The following ATAD1 variants were observed in gnomAD, a reference collection of about 807,000 sequenced individuals.
ATAD1 encodes the protein outer mitochondrial transmembrane helix translocase.
In ATAD1, 18 loss-of-function variants were observed where a neutral mutation model predicts 42.7. The ratio of observed to expected loss-of-function variants is 0.42; its 90% CI spans 0.29 to 0.63. The LOEUF is 0.63. ATAD1 is among the 20% of genes least tolerant of loss of function. The pLI is 0.19. For missense variants in ATAD1, 294 were observed against 440.4 expected (o/e 0.67, Z 2.98); for synonymous variants, 132 against 143.1 (o/e 0.92, Z 0.55).
chr10:87,810,287 G>A (rs546306747), intron 2 of ATAD1, among the ~76,000 whole-genome samples: 70 of 151,028 alleles, frequency 4.6e-4, no homozygotes, highest in African/African-American at 1.6e-3. Context: ...CTTGAGATTT[G>A]CTTTATTATC....
At chr10:87,780,495 T>C (rs1855515245) in intron 5 of ATAD1, among the ~76,000 whole-genome samples, 1 of 152,182 alleles carries the variant, frequency 6.6e-6, no homozygotes, top group Non-Finnish European at 1.5e-5. Context: ...GTATTAATAC[T>C]AGGAGAAACT....
intron 3 of ATAD1, among the ~76,000 whole-genome samples, chr10:87,792,247 T>G (rs1384971306): frequency 6.6e-6 from 1 of 152,240 alleles, no homozygotes; most frequent in Non-Finnish European, 1.5e-5. Flanking sequence ...GAAACATCCA[T>G]TTTCCTTCTG....
chr10:87,828,645 G>A (rs1372108569), intron 1 of ATAD1, among the ~76,000 whole-genome samples: 4 of 152,210 alleles, frequency 2.6e-5, no homozygotes, highest in African/African-American at 9.6e-5. Flanking sequence ...GATTTTCAAT[G>A]TAGACAAAAC....
chr10:87,776,478 C>CT (rs745898885), intron 5 of ATAD1, 51 bp from the exon 6 acceptor site: 168 of 1,464,668 alleles, frequency 1.1e-4, no homozygotes, highest in East Asian at 6.2e-4. Flanking sequence ...ATTATTTACC[C>CT]TTTTTTTTGA....
chr10:87,814,675 A>C, intron 1 of ATAD1, 63 bp from the exon 2 acceptor site: 2 of 1,253,346 alleles, frequency 1.6e-6, no homozygotes, highest in Non-Finnish European at 2.1e-6. Flanking sequence ...TGTAAGACTA[A>C]CAAAGTAGCT....
intron 5 of ATAD1, among the ~76,000 whole-genome samples, chr10:87,782,354 T>C (rs1855606619): frequency 6.6e-6 from 1 of 152,124 alleles, no homozygotes; most frequent in Admixed American, 6.6e-5. Context: ...AAGACTTCAG[T>C]AAAAACAAAG....
At chr10:87,808,950 T>C (rs1857053557) in intron 2 of ATAD1, among the ~76,000 whole-genome samples, 1 of 152,248 alleles carries the variant, frequency 6.6e-6, no homozygotes, top group South Asian at 2.1e-4. Context: ...TAGAAGAATT[T>C]GCATAAATTG....
upstream of ATAD1, among the ~76,000 whole-genome samples, chr10:87,822,317 A>G (rs1857646566): frequency 6.6e-6 from 1 of 152,196 alleles, no homozygotes; most frequent in Non-Finnish European, 1.5e-5. Flanking sequence ...ATGAACCATT[A>G]TTTTGACAAG....
intron 2 of ATAD1, among the ~76,000 whole-genome samples, chr10:87,812,482 C>T (rs1392533672): frequency 1.3e-5 from 2 of 152,100 alleles, no homozygotes; most frequent in Non-Finnish European, 2.9e-5. Flanking sequence ...AGGCTGATCT[C>T]CAACTCCTGA....
chr10:87,833,715 T>C (rs1039724182), intron 1 of ATAD1, among the ~76,000 whole-genome samples: 2 of 145,830 alleles, frequency 1.4e-5, no homozygotes, highest in Admixed American at 7.5e-5. Flanking sequence ...TCTCTCTCTC[T>C]TTCTTTCTTT....
intron 9 of ATAD1, among the ~76,000 whole-genome samples, chr10:87,755,153 T>C (rs1854164884): frequency 6.6e-6 from 1 of 152,262 alleles, no homozygotes. Context: ...ATATGGTTTA[T>C]TGAAATGGGA....
intron 1 of ATAD1, among the ~76,000 whole-genome samples, chr10:87,838,486 A>T (rs1857968485): frequency 1.3e-5 from 2 of 148,844 alleles, no homozygotes; most frequent in South Asian, 4.2e-4. Context: ...AAAAAAAAAA[A>T]AAGACAAGGT....
At chr10:87,820,419 C>T (rs1857610726), upstream of ATAD1, among the ~76,000 whole-genome samples, 1 of 152,150 alleles carries the variant, frequency 6.6e-6, no homozygotes, top group Admixed American at 6.5e-5. Context: ...GACCAGCCTA[C>T]CCAGTTTCAG....
rs2295754 is a variant in ATAD1 at position 87,756,762 on chromosome 10, G to A, written c.965+27C>T. 11,079 of 1,531,086 alleles carry A rather than the reference G, an allele frequency of 7.2e-3. 375 individuals carry two copies. Among genetic ancestry groups the A allele is most frequent in the South Asian group, 0.066 (4,996 of 75,642 alleles). The allele number at this position is 1,531,086 out of a possible 1,614,324, so 94.8% of individuals were successfully genotyped here. A position where few individuals can be genotyped will look rare whatever the true frequency, so the allele number is the denominator to read the frequency against. ...AAAGCTCTAAAAGATTTTGACAAGT[G>A]TTAAAAATCAAGTCAAAATAACATA... On this transcript the variant is annotated intron_variant, in intron 9 of 9. Coordinates refer to ENST00000680024, the MANE Select transcript of ATAD1 (RefSeq NM_001321967.2).
intron 4 of ATAD1, among the ~76,000 whole-genome samples, chr10:87,787,125 A>C (rs936792525): frequency 5.3e-5 from 8 of 152,208 alleles, no homozygotes; most frequent in Non-Finnish European, 1.5e-5. Context: ...AATGAATGTG[A>C]GGCATTTAGC....
At chr10:87,818,360 C>G, upstream of ATAD1, 1 of 649,386 alleles carries the variant, frequency 1.5e-6, no homozygotes, top group Non-Finnish European at 1.9e-6. Flanking sequence ...AATTCGCGCA[C>G]CTGATGTCTG....
chr10:87,755,738 G>T (rs145059699), intron 9 of ATAD1, among the ~76,000 whole-genome samples: 1 of 151,876 alleles, frequency 6.6e-6, no homozygotes, highest in Non-Finnish European at 1.5e-5. Context: ...TCGAAATCCC[G>T]TCTCTACTAA....
chr10:87,789,610 T>A (rs1369642386), intron 4 of ATAD1, among the ~76,000 whole-genome samples: 1 of 152,060 alleles, frequency 6.6e-6, no homozygotes, highest in East Asian at 1.9e-4. Context: ...TGGTCCCAGC[T>A]ACTCAGGAGG....
chr10:87,755,130 G>A (rs1241207301), intron 9 of ATAD1, among the ~76,000 whole-genome samples: 1 of 152,000 alleles, frequency 6.6e-6, no homozygotes, highest in Non-Finnish European at 1.5e-5. Flanking sequence ...ATTACCATAA[G>A]GTAAAAAATG....
Sources: allele counts gnomAD v4.1 joint callset (sites outside exome capture counted in the v4.1 genomes callset), GRCh38; gene constraint gnomAD v4.1.1; transcripts MANE v1.5; gene names NCBI Gene and HGNC (gene_info 2026-07-23, HGNC 2026-07-21).